KMO: variants seen among roughly 807,000 people sequenced by gnomAD.
KMO encodes the protein kynurenine 3-hydroxylase.
Under a neutral mutation model 57.8 loss-of-function variants are expected in KMO, and 24 were observed. The observed-to-expected ratio is 0.42, with a 90% CI of 0.30 to 0.58. The LOEUF is 0.58. Among genes scored for constraint, KMO ranks in the 20% least tolerant of loss-of-function variants. KMO has a pLI of 0.22. For synonymous variants in KMO, 210 were observed against 193.6 expected, an observed-to-expected ratio of 1.08 and a Z score of -0.70; for missense variants, 483 against 588.2, an observed-to-expected ratio of 0.82 and a Z score of 1.85.
rs749101789 is a variant in KMO at position 241,566,632 on chromosome 1, T to C, written c.809+20T>C. 1 of 1,611,870 alleles carries C rather than the reference T, an allele frequency of 6.2e-7. No individual in the cohort carries two copies. The highest frequency in any genetic ancestry group is 2.2e-5 in the East Asian group (1 of 44,832). On this transcript the variant is annotated intron_variant, in intron 9 of 14. Coordinates refer to ENST00000366559, the MANE Select transcript of KMO (RefSeq NM_003679.5). ...TGGAGAGTAAGTTGCAAGATGTGCC[T>C]TTTGCTCCATTTGTTTTAATTATTC... is the stretch of plus-strand genomic sequence containing the variant.
At chr1:241,578,665 T>C (rs758393094) in intron 10 of KMO, among the ~76,000 whole-genome samples, 26 of 152,162 alleles carry the variant, frequency 1.7e-4, no homozygotes, top group Non-Finnish European at 2.4e-4. Flanking sequence ...CTATTTCAAA[T>C]GCTGGTTGTA....
intron 8 of KMO, among the ~76,000 whole-genome samples, chr1:241,565,445 G>A (rs954702017): frequency 6.6e-6 from 1 of 151,844 alleles, no homozygotes; most frequent in African/African-American, 2.4e-5. Context: ...ATGGGGATGG[G>A]CGCAGCGGCT....
intron 12 of KMO, 135 bp from the exon 13 acceptor site, chr1:241,589,877 A>G: frequency 1.4e-6 from 1 of 716,052 alleles, no homozygotes; most frequent in Non-Finnish European, 2.4e-6. Context: ...TGGGAATGAC[A>G]TTATGGAAAC....
At chr1:241,552,565 C>G (rs1229416847) in intron 4 of KMO, among the ~76,000 whole-genome samples, 1 of 152,108 alleles carries the variant, frequency 6.6e-6, no homozygotes, top group Non-Finnish European at 1.5e-5. Context: ...GTACCCCACT[C>G]CCTCTCACCT....
rs547133735 is a variant in KMO, at chr1:241,561,933, T to C, written c.450-234T>C. 5.7e-4 allele frequency: 255 copies of C among 448,052 alleles called. 2 individuals are homozygous for C. The highest frequency in any genetic ancestry group is 4.6e-3 in the African/African-American group (231 of 50,574). 27.8% of individuals were successfully genotyped at this position (448,052 alleles called of 1,614,324 possible). ...CAAATCCTGTCACACTTCTGTGGCC[T>C]ACCAAGTCTTTATTAATCAATATGG... On this transcript the variant is annotated intron_variant, in intron 6 of 14. Coordinates refer to ENST00000366559, the MANE Select transcript of KMO (RefSeq NM_003679.5).
chr1:241,535,979 G>T (rs1415710082), intron 1 of KMO, among the ~76,000 whole-genome samples: 2 of 152,060 alleles, frequency 1.3e-5, no homozygotes, highest in African/African-American at 2.4e-5. Flanking sequence ...TTTATCTTTG[G>T]CTCCTGCTAC....
chr1:241,568,762 AT>A, intron 10 of KMO, 115 bp downstream of exon 10: 3 of 1,002,838 alleles, frequency 3.0e-6, no homozygotes, highest in Non-Finnish European at 4.4e-6. Context: ...TGAAAGCACA[AT>A]CAATTCAGCA....
intron 11 of KMO, among the ~76,000 whole-genome samples, chr1:241,587,982 A>AT (rs1222023944): frequency 2.0e-5 from 3 of 152,122 alleles, no homozygotes; most frequent in Non-Finnish European, 4.4e-5. Flanking sequence ...GCCACCTCTG[A>AT]TTTTACACTT....
At chr1:241,535,922 A>G (rs976261376) in intron 1 of KMO, among the ~76,000 whole-genome samples, 1 of 152,152 alleles carries the variant, frequency 6.6e-6, no homozygotes, top group African/African-American at 2.4e-5. Context: ...TGTTATGCAT[A>G]GTTTATTCCC....
At chr1:241,576,871 T>C (rs561359624) in intron 10 of KMO, among the ~76,000 whole-genome samples, 78 of 152,294 alleles carry the variant, frequency 5.1e-4, no homozygotes, top group African/African-American at 1.8e-3. Flanking sequence ...GGAACATCAA[T>C]TATTCTTAGA....
intron 2 of KMO, 91 bp downstream of exon 2, chr1:241,548,989 G>C: frequency 2.5e-6 from 2 of 791,354 alleles, no homozygotes; most frequent in East Asian, 2.6e-5. Flanking sequence ...GCTTGAGGCC[G>C]GGAGTTTGAG....
chr1:241,588,959 C>A, intron 12 of KMO, 129 bp downstream of exon 12: 5 of 580,332 alleles, frequency 8.6e-6, no homozygotes, highest in Non-Finnish European at 1.5e-5. Flanking sequence ...GATAAGAAAA[C>A]ACACACACAC....
At position 241,594,156 on chromosome 1, in the gene KMO, A is replaced by G. The variant is rs1468286073; in HGVS notation, c.*2003A>G. 1 of 367,236 alleles carries G rather than the reference A, an allele frequency of 2.7e-6. No individual in the cohort carries two copies. Among genetic ancestry groups the G allele is most frequent in the Non-Finnish European group, 4.8e-6 (1 of 206,354 alleles). 22.7% of individuals were successfully genotyped at this position (367,236 alleles called of 1,614,324 possible). ...TTTAAAAAATATATTTGAAATGAAA[A>G]TCTCCAACACATTAGAAGATGATGA... On this transcript the variant is annotated 3_prime_UTR_variant, in exon 15 of 15. Transcript: ENST00000366559.
chr1:241,555,172 C>G (rs1232783456), intron 4 of KMO, among the ~76,000 whole-genome samples: 1 of 152,152 alleles, frequency 6.6e-6, no homozygotes, highest in East Asian at 1.9e-4. Context: ...CACACACACA[C>G]ACTTTTTACA....
chr1:241,595,103 A>G lies in KMO; in HGVS notation c.*2950A>G, dbSNP rs1397687064. On this transcript the variant is annotated 3_prime_UTR_variant, in exon 15 of 15. Coordinates refer to ENST00000366559, the MANE Select transcript of KMO (RefSeq NM_003679.5). ...AAAAACAGATAAGGCTCTTCCTGGCAGAGTTTACAGCCTGGTGTACTTGCT... is the reference window on the plus strand; with the variant it reads ...AAAAACAGATAAGGCTCTTCCTGGCGGAGTTTACAGCCTGGTGTACTTGCT... 1.3e-5 allele frequency: 2 copies of G among 157,156 alleles called. No homozygotes were observed. The highest frequency in any genetic ancestry group is 4.8e-5 in the African/African-American group (2 of 41,562). 9.7% of individuals were successfully genotyped at this position (157,156 alleles called of 1,614,324 possible).
chr1:241,591,737 C>A (rs1012585798), intron 14 of KMO, among the ~76,000 whole-genome samples: 18 of 152,168 alleles, frequency 1.2e-4, no homozygotes, highest in Admixed American at 1.2e-3. Context: ...GACCTGGATT[C>A]ATGAGTTTCC....
chr1:241,586,624 G>C, intron 10 of KMO, 55 bp from the exon 11 acceptor site: 2 of 1,126,438 alleles, frequency 1.8e-6, no homozygotes, highest in South Asian at 1.3e-5. Context: ...CAATAATAAG[G>C]GTTTCTTTTT....
intron 4 of KMO, among the ~76,000 whole-genome samples, chr1:241,551,555 G>A (rs75641697): frequency 0.013 from 1,996 of 152,254 alleles, 56 homozygotes; most frequent in African/African-American, 0.046. Flanking sequence ...TTTATGAAAG[G>A]AGACTCATTA....
intron 5 of KMO, among the ~76,000 whole-genome samples, chr1:241,558,973 C>T (rs548019008): frequency 1.7e-4 from 26 of 151,576 alleles, no homozygotes; most frequent in African/African-American, 5.3e-4. Context: ...ATTAGCTGGG[C>T]GTGTTGGTGG....
Sources: gnomAD v4.1 joint callset for allele counts (sites outside exome capture counted in the v4.1 genomes callset) on GRCh38, gnomAD v4.1.1 for gene constraint, MANE v1.5 for transcripts, NCBI Gene and HGNC (gene_info 2026-07-23, HGNC 2026-07-21) for gene names.